Variants in ALK observed in about 807,000 individuals in gnomAD.
The protein encoded by ALK is ALK tyrosine kinase receptor.
A neutral mutation model predicts 163.1 loss-of-function variants in ALK; 74 were observed. The observed-to-expected ratio is 0.45, with a 90% CI of 0.38 to 0.55. The LOEUF (loss-of-function observed/expected upper bound fraction) is 0.55, where lower values mean the gene tolerates loss of function less well. ALK is among the 20% of genes least tolerant of loss of function. The pLI is 0.00. For synonymous variants in ALK, 960 were observed against 843.2 expected, an observed-to-expected ratio of 1.14 and a Z score of -2.40; for missense variants, 2,063 against 2,105.3, an observed-to-expected ratio of 0.98 and a Z score of 0.39.
At chr2:29,203,485 CTTTTTTTTTTTTTTTT>C (rs1156462365) in intron 26 of ALK, among the ~76,000 whole-genome samples, 3 of 32,544 alleles carry the variant, frequency 9.2e-5, no homozygotes, top group Non-Finnish European at 5.2e-5. Context: ...GAGGATGTGC[CTTTTTTTTTTTTTTTT>C]TTTTTTTTTT....
chr2:29,871,563 T>C (rs150099047), intron 1 of ALK, among the ~76,000 whole-genome samples: 3 of 152,266 alleles, frequency 2.0e-5, no homozygotes, highest in African/African-American at 7.2e-5. Context: ...CAACAGAACC[T>C]CTGATTCTAG....
At chr2:29,281,516 C>T (rs1665718696) in intron 9 of ALK, among the ~76,000 whole-genome samples, 1 of 152,236 alleles carries the variant, frequency 6.6e-6, no homozygotes, top group Non-Finnish European at 1.5e-5. Context: ...TCAGCTCTTT[C>T]TGTTTCTTCA....
At chr2:29,606,011 A>G (rs1054620740) in intron 3 of ALK, among the ~76,000 whole-genome samples, 2 of 152,002 alleles carry the variant, frequency 1.3e-5, no homozygotes, top group African/African-American at 4.8e-5. Flanking sequence ...AAGCCCCACT[A>G]CCATCCTTCC....
intron 4 of ALK, among the ~76,000 whole-genome samples, chr2:29,440,091 G>A (rs1028867105): frequency 2.2e-4 from 33 of 151,826 alleles, no homozygotes; most frequent in Admixed American, 1.5e-3. Context: ...AAAATTAGCC[G>A]GACGTACTGG....
intron 12 of ALK, among the ~76,000 whole-genome samples, chr2:29,248,675 C>T (rs546918367): frequency 1.3e-5 from 2 of 152,304 alleles, no homozygotes; most frequent in Admixed American, 6.5e-5. Context: ...GTGGAGACAG[C>T]TTTCTGATTT....
intron 3 of ALK, among the ~76,000 whole-genome samples, chr2:29,647,001 A>T (rs1649403353): frequency 6.6e-6 from 1 of 152,162 alleles, no homozygotes. Flanking sequence ...TATTGAATCA[A>T]TGTGTGTTGA....
At chr2:29,479,204 C>T (rs1671599885) in intron 4 of ALK, among the ~76,000 whole-genome samples, 1 of 148,518 alleles carries the variant, frequency 6.7e-6, no homozygotes, top group African/African-American at 2.5e-5. Flanking sequence ...GATGGCTCAC[C>T]CTGAAGCAGG....
chr2:29,464,606 G>A (rs985606358), intron 4 of ALK, among the ~76,000 whole-genome samples: 2 of 152,110 alleles, frequency 1.3e-5, no homozygotes, highest in Non-Finnish European at 2.9e-5. Context: ...AAAATATACC[G>A]GATGGGACTA....
intron 4 of ALK, among the ~76,000 whole-genome samples, chr2:29,530,597 G>T (rs1304178615): frequency 6.6e-6 from 1 of 152,242 alleles, no homozygotes; most frequent in African/African-American, 2.4e-5. Flanking sequence ...ATATGAGGCT[G>T]GGCAAATACC....
chr2:29,603,343 C>A (rs1248060533), intron 3 of ALK, among the ~76,000 whole-genome samples: 1 of 152,162 alleles, frequency 6.6e-6, no homozygotes, highest in Non-Finnish European at 1.5e-5. Context: ...AGGTCCATTT[C>A]AAAATATGTC....
chr2:29,479,545 T>C (rs1671610555), intron 4 of ALK, among the ~76,000 whole-genome samples: 1 of 152,254 alleles, frequency 6.6e-6, no homozygotes. Context: ...AATCTCTGGA[T>C]GTCACACCAT....
intron 4 of ALK, among the ~76,000 whole-genome samples, chr2:29,432,428 C>A (rs948495141): frequency 6.6e-6 from 1 of 152,122 alleles, no homozygotes; most frequent in Non-Finnish European, 1.5e-5. Flanking sequence ...CATCAGAAGC[C>A]GAACAGATGC....
chr2:29,551,570 G>C (rs1371610539), intron 3 of ALK, among the ~76,000 whole-genome samples: 2 of 152,050 alleles, frequency 1.3e-5, no homozygotes, highest in African/African-American at 4.8e-5. Flanking sequence ...AAAAACCCTG[G>C]TGGTTTTTCT....
At chr2:29,770,370 G>A (rs984615233) in intron 1 of ALK, among the ~76,000 whole-genome samples, 2 of 152,184 alleles carry the variant, frequency 1.3e-5, no homozygotes, top group Admixed American at 6.5e-5. Context: ...AAGTCGTCCA[G>A]TCACACCCTA....
Position 29,296,872 on chromosome 2 carries a change from G to A in ALK, c.1817+16C>T, listed in dbSNP as rs1180298202. On this transcript the variant is annotated intron_variant, in intron 9 of 28. Transcript: ENST00000389048. ...GATAGAGGAGAAGGGTATTGGGGGA[G>A]ATGCATAGAGCCTACCTGTCAGACA... is the stretch of plus-strand genomic sequence containing the variant. The A allele has an allele frequency of 1.2e-6, 2 of 1,614,082 alleles. No individual in the cohort carries two copies.
chr2:29,689,934 G>C (rs1678346558), intron 3 of ALK, among the ~76,000 whole-genome samples: 1 of 152,192 alleles, frequency 6.6e-6, no homozygotes, highest in Admixed American at 6.5e-5. Context: ...AGCTGGAGTG[G>C]GGCATGGAAA....
intron 1 of ALK, among the ~76,000 whole-genome samples, chr2:29,852,845 T>G (rs974735969): frequency 1.1e-3 from 119 of 109,388 alleles, no homozygotes; most frequent in South Asian, 9.7e-3. Context: ...TCTCTCTCTC[T>G]CTCTCTCTCT....
chr2:29,614,845 A>G (rs1410765100), intron 3 of ALK, among the ~76,000 whole-genome samples: 3 of 152,126 alleles, frequency 2.0e-5, no homozygotes, highest in Non-Finnish European at 4.4e-5. Context: ...GTTTTTGGCT[A>G]TCAATTCCCA....
intron 5 of ALK, among the ~76,000 whole-genome samples, chr2:29,331,437 C>A (rs1667436537): frequency 6.6e-6 from 1 of 152,174 alleles, no homozygotes. Context: ...GTATGGAGGC[C>A]ATATTCTCAG....
Sources: gnomAD v4.1 joint callset for allele counts (sites outside exome capture counted in the v4.1 genomes callset) on GRCh38, gnomAD v4.1.1 for gene constraint, MANE v1.5 for transcripts, NCBI Gene and HGNC (gene_info 2026-07-23, HGNC 2026-07-21) for gene names.